EEFSEC: variants seen among roughly 807,000 people sequenced by gnomAD.
EEFSEC encodes the protein eukaryotic elongation factor, selenocysteine-tRNA specific.
EEFSEC carries 43 observed loss-of-function variants against 42.1 expected under a neutral mutation model. The ratio of observed to expected loss-of-function variants is 1.02; its 90% CI spans 0.80 to 1.32. The LOEUF (loss-of-function observed/expected upper bound fraction) is 1.32, where lower values mean the gene tolerates loss of function less well. Among genes scored for constraint, EEFSEC ranks in the 40% most tolerant of loss-of-function variants. The pLI is 0.00. For synonymous variants in EEFSEC, 354 were observed against 339.1 expected (o/e 1.04, Z -0.48); for missense variants, 745 against 803.6 (o/e 0.93, Z 0.88).
chr3:128,422,053 C>T, the EEFSEC span, among the ~76,000 whole-genome samples: 2 of 152,256 alleles, frequency 1.3e-5, no homozygotes, highest in Non-Finnish European at 2.9e-5. Context: ...CAGCACGGTG[C>T]TGGGCGCTCA....
intron 6 of EEFSEC, among the ~76,000 whole-genome samples, chr3:128,369,777 A>G (rs182715054): frequency 1.2e-3 from 185 of 152,346 alleles, no homozygotes; most frequent in Non-Finnish European, 1.7e-3. Context: ...CTTATTGAGC[A>G]GTGTTGCTCC....
At chr3:128,318,170 C>A (rs1265440884) in intron 4 of EEFSEC, among the ~76,000 whole-genome samples, 1 of 152,214 alleles carries the variant, frequency 6.6e-6, no homozygotes, top group Non-Finnish European at 1.5e-5. Flanking sequence ...TTGCATGGCG[C>A]CCTCCCGTGA....
intron 1 of EEFSEC, among the ~76,000 whole-genome samples, chr3:128,175,646 A>G (rs535147946): frequency 1.1e-4 from 16 of 152,350 alleles, no homozygotes; most frequent in East Asian, 7.7e-4. Context: ...TGCCAGCCCA[A>G]CAGAGTGCAG....
chr3:128,161,761 C>T (rs962832706), intron 1 of EEFSEC, among the ~76,000 whole-genome samples: 1 of 152,278 alleles, frequency 6.6e-6, no homozygotes, highest in East Asian at 1.9e-4. Flanking sequence ...GAGGTGTGTG[C>T]CCTTCATTCT....
intron 4 of EEFSEC, among the ~76,000 whole-genome samples, chr3:128,335,783 C>T (rs991347602): frequency 7.2e-5 from 11 of 152,246 alleles, no homozygotes; most frequent in African/African-American, 2.6e-4. Context: ...GGGACCAGGG[C>T]AGGCAGTGCA....
chr3:128,163,541 C>T (rs2065212524), intron 1 of EEFSEC, among the ~76,000 whole-genome samples: 1 of 151,642 alleles, frequency 6.6e-6, no homozygotes, highest in Non-Finnish European at 1.5e-5. Flanking sequence ...ATGTAAATTA[C>T]ATACCATAAA....
Position 128,188,535 on chromosome 3 carries a change from A to C in EEFSEC, c.316+34712A>C, listed in dbSNP as rs780731543. 6.6e-4 allele frequency among the ~76,000 whole-genome samples: 101 copies of C among 152,246 alleles called. 2 individuals carry two copies. Among genetic ancestry groups the C allele is most frequent in the Non-Finnish European group, 1.3e-3 (86 of 68,008 alleles). ...GGCCTTGGTATTGTTGACCCTTTGT[A>C]CTAGATGGTGAAAGTATCTGCCTTG... is the stretch of plus-strand genomic sequence containing the variant. On this transcript the variant is annotated intron_variant, in intron 1 of 6. Transcript: ENST00000254730.
At chr3:128,396,639 AG>A (rs2067985011) in intron 6 of EEFSEC, among the ~76,000 whole-genome samples, 1 of 152,062 alleles carries the variant, frequency 6.6e-6, no homozygotes, top group African/African-American at 2.4e-5. Context: ...GGTGCTGTGA[AG>A]GGTTTGAGCT....
chr3:128,161,915 C>T (rs2065191820), intron 1 of EEFSEC, among the ~76,000 whole-genome samples: 1 of 152,202 alleles, frequency 6.6e-6, no homozygotes, highest in South Asian at 2.1e-4. Context: ...AAATAACATA[C>T]TGGGGGCTTG....
chr3:128,380,807 G>A (rs1307776644), intron 6 of EEFSEC, among the ~76,000 whole-genome samples: 1 of 152,228 alleles, frequency 6.6e-6, no homozygotes, highest in Admixed American at 6.5e-5. Flanking sequence ...CAGTATAAGA[G>A]GGTTTCTCTA....
At chr3:128,264,562 C>G in intron 3 of EEFSEC, 55 bp from the exon 4 acceptor site, 1 of 1,585,908 alleles carries the variant, frequency 6.3e-7, no homozygotes, top group Non-Finnish European at 8.6e-7. Flanking sequence ...TTCCTCTGCC[C>G]TGCCCCATCT....
At chr3:128,420,664 CAG>C in the EEFSEC span, among the ~76,000 whole-genome samples, 1 of 152,228 alleles carries the variant, frequency 6.6e-6, no homozygotes, top group Non-Finnish European at 1.5e-5. Context: ...GTTCCCGAAG[CAG>C]AGTCTGATAT....
intron 1 of EEFSEC, among the ~76,000 whole-genome samples, chr3:128,164,726 G>T (rs1214172863): frequency 6.6e-6 from 1 of 152,180 alleles, no homozygotes; most frequent in Non-Finnish European, 1.5e-5. Flanking sequence ...GCTGGAGTGT[G>T]ACTGGGGTAT....
intron 6 of EEFSEC, among the ~76,000 whole-genome samples, chr3:128,398,375 G>C (rs2068008417): frequency 6.6e-6 from 1 of 152,190 alleles, no homozygotes; most frequent in South Asian, 2.1e-4. Flanking sequence ...TGCTGAGATG[G>C]AAGAGGAATG....
intron 4 of EEFSEC, among the ~76,000 whole-genome samples, chr3:128,330,071 C>CA (rs1233892154): frequency 2.6e-5 from 4 of 152,190 alleles, no homozygotes; most frequent in African/African-American, 9.7e-5. Flanking sequence ...TCATTAAAAA[C>CA]AAAGTCCCAG....
chr3:128,219,635 T>C lies in EEFSEC; in HGVS notation c.317-27201T>C, dbSNP rs533569839. 2.6e-5 allele frequency among the ~76,000 whole-genome samples: 4 copies of C among 152,354 alleles called. No individual in the cohort carries two copies. The South Asian group carries it at 8.3e-4, about 32-fold the overall frequency. ...ATTTTCTGTGCAGCTTTTATCTCTCTGTACAAGCTATGCAGAAAATATTTA... is the reference window on the plus strand; with the variant it reads ...ATTTTCTGTGCAGCTTTTATCTCTCCGTACAAGCTATGCAGAAAATATTTA... On this transcript the variant is annotated intron_variant, in intron 1 of 6. Transcript: ENST00000254730.
intron 5 of EEFSEC, among the ~76,000 whole-genome samples, chr3:128,344,789 A>G (rs981323080): frequency 6.6e-6 from 1 of 152,208 alleles, no homozygotes; most frequent in Non-Finnish European, 1.5e-5. Flanking sequence ...TTTAATCTCA[A>G]TTGTTCATTC....
chr3:128,177,682 T>TC (rs2065364994), intron 1 of EEFSEC, among the ~76,000 whole-genome samples: 5 of 152,060 alleles, frequency 3.3e-5, no homozygotes, highest in Admixed American at 3.3e-4. Flanking sequence ...CCAAAGAATC[T>TC]CCCCCCGTTC....
At chr3:128,234,361 T>G (rs2065987381) in intron 1 of EEFSEC, among the ~76,000 whole-genome samples, 1 of 152,170 alleles carries the variant, frequency 6.6e-6, no homozygotes, top group Admixed American at 6.5e-5. Flanking sequence ...CCCATTTTTT[T>G]CATTTTTAAG....
Sources: allele counts gnomAD v4.1 joint callset (sites outside exome capture counted in the v4.1 genomes callset), GRCh38; gene constraint gnomAD v4.1.1; transcripts MANE v1.5; gene names NCBI Gene and HGNC (gene_info 2026-07-23, HGNC 2026-07-21).